The following IL15 variants were observed in gnomAD, a reference collection of about 807,000 sequenced individuals.
IL15 encodes interleukin-15.
In IL15, 11 loss-of-function variants were observed where a neutral mutation model predicts 19.6. The ratio of observed to expected loss-of-function variants is 0.56; its 90% CI spans 0.35 to 0.93. The LOEUF is 0.93. Ranked by LOEUF, IL15 falls within the 40% of genes least tolerant of loss-of-function variation. IL15 has a pLI of 0.01. For synonymous variants in IL15, 58 were observed against 59.6 expected, an observed-to-expected ratio of 0.97 and a Z score of 0.12; for missense variants, 197 against 186.5, an observed-to-expected ratio of 1.06 and a Z score of -0.33.
intron 3 of IL15, among the ~76,000 whole-genome samples, chr4:141,720,079 A>T (rs1730022030): frequency 6.6e-6 from 1 of 152,124 alleles, no homozygotes; most frequent in South Asian, 2.1e-4. Flanking sequence ...CTCTGTTAGT[A>T]ATGCATGTTA....
intron 2 of IL15, among the ~76,000 whole-genome samples, chr4:141,685,556 C>T (rs1245568167): frequency 1.3e-5 from 2 of 152,082 alleles, no homozygotes; most frequent in Non-Finnish European, 2.9e-5. Flanking sequence ...ATTATAAAAT[C>T]TCTGCTATTT....
At chr4:141,668,839 A>G (rs1449472955) in intron 2 of IL15, among the ~76,000 whole-genome samples, 1 of 152,198 alleles carries the variant, frequency 6.6e-6, no homozygotes, top group Non-Finnish European at 1.5e-5. Flanking sequence ...AAGCTAGACA[A>G]TAGGGATTTA....
At chr4:141,673,967 T>C (rs1259507723) in intron 2 of IL15, among the ~76,000 whole-genome samples, 1 of 152,226 alleles carries the variant, frequency 6.6e-6, no homozygotes, top group Non-Finnish European at 1.5e-5. Context: ...ATTCACAGCA[T>C]TTGATCTTTT....
chr4:141,733,067 C>T lies in IL15; in HGVS notation c.*219C>T. 1 of 457,524 alleles carries T rather than the reference C, an allele frequency of 2.2e-6. No individual in the cohort carries two copies. Among genetic ancestry groups the T allele is most frequent in the Non-Finnish European group, 3.4e-6 (1 of 292,550 alleles). The allele number at this position is 457,524 out of a possible 1,614,324, so 28.3% of individuals were successfully genotyped here. On this transcript the variant is annotated 3_prime_UTR_variant, in exon 8 of 8. Coordinates refer to ENST00000320650, the MANE Select transcript of IL15 (RefSeq NM_000585.5). ...GAACTTCTCTCAGACTTACTTTACTCATTTTTTTAATTTATTATTGAAATT... is the reference window on the plus strand; with the variant it reads ...GAACTTCTCTCAGACTTACTTTACTTATTTTTTTAATTTATTATTGAAATT...
intron 2 of IL15, among the ~76,000 whole-genome samples, chr4:141,696,024 A>C (rs1380699429): frequency 6.6e-6 from 1 of 152,080 alleles, no homozygotes; most frequent in African/African-American, 2.4e-5. Flanking sequence ...TATCTTTGCC[A>C]AGCCAAATGT....
intron 2 of IL15, among the ~76,000 whole-genome samples, chr4:141,703,609 A>G (rs1729403585): frequency 6.6e-6 from 1 of 151,772 alleles, no homozygotes; most frequent in Admixed American, 6.6e-5. Context: ...ATACTCTGGG[A>G]ACTTTTATTT....
chr4:141,719,368 T>C lies in IL15; in HGVS notation c.-97T>C. The C allele has an allele frequency of 1.5e-6, 1 of 678,486 alleles. No individual in the cohort carries two copies. The highest frequency in any genetic ancestry group is 2.7e-6 in the Non-Finnish European group (1 of 373,766). The allele number at this position is 678,486 out of a possible 1,614,324, so 42.0% of individuals were successfully genotyped here. A position where few individuals can be genotyped will look rare whatever the true frequency, so the allele number is the denominator to read the frequency against. On this transcript the variant is annotated splice_region_variant and 5_prime_UTR_variant, in exon 3 of 8. Transcript: ENST00000320650. ...TAATGGATCATACTTTACCCTAGAT[T>C]GTATTGTAGGAGGCATTGTGGATGG...
At chr4:141,639,341 G>T (rs114432475) in intron 1 of IL15, among the ~76,000 whole-genome samples, 330 of 152,272 alleles carry the variant, frequency 2.2e-3, no homozygotes, top group African/African-American at 7.3e-3. Flanking sequence ...AGTAATGTTT[G>T]TATGGTACTT....
At chr4:141,721,516 A>G (rs1293194633) in intron 4 of IL15, 1 of 536,446 alleles carries the variant, frequency 1.9e-6, no homozygotes. Flanking sequence ...AATGATTATT[A>G]CTCATTTTAA....
chr4:141,683,103 T>C (rs1041870371), intron 2 of IL15, among the ~76,000 whole-genome samples: 2 of 151,792 alleles, frequency 1.3e-5, no homozygotes, highest in Non-Finnish European at 2.9e-5. Context: ...ACCCCGTTTC[T>C]ACTAAAAATA....
In IL15 at chr4:141,699,035, T is replaced by G. The variant is rs189345852; in HGVS notation, c.-99-20331T>G. 1.7e-3 allele frequency among the ~76,000 whole-genome samples: 253 copies of G among 152,300 alleles called. 1 individual carries two copies. The highest frequency in any genetic ancestry group is 0.01 in the Middle Eastern group (3 of 294). On this transcript the variant is annotated intron_variant, in intron 2 of 7. Transcript: ENST00000320650. ...GTTTTGATAAGTTGTGCCACTATTATCATTCCTTTCAAAGGATTTTAAAAT... is the reference window on the plus strand; with the variant it reads ...GTTTTGATAAGTTGTGCCACTATTAGCATTCCTTTCAAAGGATTTTAAAAT...
At chr4:141,721,613 C>T (rs918265083) in intron 4 of IL15, 2 of 523,746 alleles carry the variant, frequency 3.8e-6, no homozygotes, top group African/African-American at 3.8e-5. Flanking sequence ...ATTTATTGAG[C>T]ATTGCCACAC....
chr4:141,705,005 T>C (rs1234112317), intron 2 of IL15, among the ~76,000 whole-genome samples: 2 of 151,952 alleles, frequency 1.3e-5, no homozygotes, highest in Non-Finnish European at 2.9e-5. Flanking sequence ...TGTTGATTTT[T>C]ATCTTTTTAA....
chr4:141,693,558 A>G (rs917067559), intron 2 of IL15, among the ~76,000 whole-genome samples: 1 of 152,182 alleles, frequency 6.6e-6, no homozygotes, highest in Non-Finnish European at 1.5e-5. Context: ...TATTTGGTAT[A>G]TTATCAATTT....
chr4:141,652,557 AGACGTTTGG>A (rs770142681), intron 1 of IL15, among the ~76,000 whole-genome samples: 48 of 152,290 alleles, frequency 3.2e-4, no homozygotes, highest in Non-Finnish European at 6.2e-4. Context: ...TTTAGAAACA[AGACGTTTGG>A]GACTGCTACA....
intron 2 of IL15, among the ~76,000 whole-genome samples, chr4:141,686,734 G>A (rs1170850174): frequency 2.0e-5 from 3 of 152,108 alleles, no homozygotes; most frequent in Non-Finnish European, 4.4e-5. Context: ...TTCAAAATTA[G>A]CTAATTAGAA....
At position 141,733,746 on chromosome 4, in the gene IL15, A is replaced by T. The variant is rs775892238; in HGVS notation, c.*898A>T. 27 of 152,196 alleles carry T rather than the reference A, an allele frequency of 1.8e-4. No homozygotes were observed. The highest frequency in any genetic ancestry group is 2.9e-4 in the Non-Finnish European group (20 of 68,036). The allele number at this position is 152,196 out of a possible 1,614,324, so 9.4% of individuals were successfully genotyped here. ...GATGCCCCTGGTATAGAAAACTAAT[A>T]GTGACAGTGTTCATATTTCATGCTT... On this transcript the variant is annotated 3_prime_UTR_variant, in exon 8 of 8. Coordinates refer to ENST00000320650, the MANE Select transcript of IL15 (RefSeq NM_000585.5).
chr4:141,656,289 C>T lies in IL15; in HGVS notation c.-118C>T, dbSNP rs1427927042. 2.5e-6 allele frequency: 1 copy of T among 398,182 alleles called. No homozygotes were observed. Among genetic ancestry groups the T allele is most frequent in the Non-Finnish European group, 4.4e-6 (1 of 225,870 alleles). The allele number at this position is 398,182 out of a possible 1,614,324, so 24.7% of individuals were successfully genotyped here. ...CACAGAAATCAATGTTAGCAGATAG[C>T]CAGCCCATACAAGATCGTGTAAGTA... is the stretch of plus-strand genomic sequence containing the variant. On this transcript the variant is annotated 5_prime_UTR_variant, in exon 2 of 8. Transcript: ENST00000320650.
At chr4:141,710,802 T>C (rs1252766665) in intron 2 of IL15, among the ~76,000 whole-genome samples, 2 of 152,144 alleles carry the variant, frequency 1.3e-5, no homozygotes, top group African/African-American at 2.4e-5. Context: ...TTTTTTTTCA[T>C]AGTTAAATTT....
Sources: allele counts gnomAD v4.1 joint callset (sites outside exome capture counted in the v4.1 genomes callset), GRCh38; gene constraint gnomAD v4.1.1; transcripts MANE v1.5; gene names NCBI Gene and HGNC (gene_info 2026-07-23, HGNC 2026-07-21).